The following TNRC6A variants were observed in gnomAD, a reference collection of about 807,000 sequenced individuals.
TNRC6A encodes trinucleotide repeat-containing gene 6A protein.
TNRC6A carries 44 observed loss-of-function variants against 221.2 expected under a neutral mutation model. The observed-to-expected ratio is 0.20, with a 90% CI of 0.16 to 0.26. The LOEUF is 0.26. Ranked by LOEUF, TNRC6A falls within the 10% of genes least tolerant of loss-of-function variation. TNRC6A has a pLI of 1.00. For synonymous variants in TNRC6A, 847 were observed against 838.5 expected, an observed-to-expected ratio of 1.01 and a Z score of -0.18; for missense variants, 2,199 against 2,404.4, an observed-to-expected ratio of 0.91 and a Z score of 1.79.
chr16:24,644,049 C>A (rs926025697), intron 2 of TNRC6A, among the ~76,000 whole-genome samples: 24 of 146,962 alleles, frequency 1.6e-4, no homozygotes, highest in Admixed American at 7.5e-4. Flanking sequence ...TAGATCATCG[C>A]TGGGTTTTGT....
At chr16:24,625,732 CA>C (rs1296078884) in intron 1 of TNRC6A, among the ~76,000 whole-genome samples, 2 of 78,528 alleles carry the variant, frequency 2.5e-5, no homozygotes, top group African/African-American at 9.9e-5. Flanking sequence ...GACTCCGTCT[CA>C]AAACAAAAAA....
chr16:24,802,353 G>T (rs1002139202), intron 11 of TNRC6A, among the ~76,000 whole-genome samples: 3 of 152,038 alleles, frequency 2.0e-5, no homozygotes, highest in Admixed American at 6.5e-5. Flanking sequence ...GTTGGAGACC[G>T]CTTGGGCAAC....
At position 24,729,686 on chromosome 16, in the gene TNRC6A, G is replaced by C; in HGVS notation, c.-156G>C. ...TGGGGCCTGCGGCGGCGGCGGTGTC[G>C]GCGGCGGCGGCGGCGGCGGCGGCGG... On this transcript the variant is annotated 5_prime_UTR_variant, in exon 1 of 25. Coordinates refer to ENST00000395799, the MANE Select transcript of TNRC6A (RefSeq NM_014494.4). 1 of 236,742 alleles carries C rather than the reference G, an allele frequency of 4.2e-6. No homozygotes were observed. Among genetic ancestry groups the C allele is most frequent in the African/African-American group, 5.2e-5 (1 of 19,082 alleles). The allele number at this position is 236,742 out of a possible 1,614,324, so 14.7% of individuals were successfully genotyped here.
chr16:24,700,422 G>A (rs1435737928), intron 2 of TNRC6A, among the ~76,000 whole-genome samples: 3 of 151,976 alleles, frequency 2.0e-5, no homozygotes, highest in Non-Finnish European at 2.9e-5. Context: ...TTTTAGTAGA[G>A]ACAGGTTTCA....
chr16:24,700,441 G>T lies in TNRC6A; in HGVS notation n.403-50285G>T, dbSNP rs551249750. On this transcript the variant is annotated intron_variant and non_coding_transcript_variant, in intron 2 of 2. Transcript: ENST00000566108. ...AGTAGAGACAGGTTTCACCATGTTG[G>T]CCAGGCTGGTCTTACGAACTCCTAA... 1.6e-3 allele frequency among the ~76,000 whole-genome samples: 237 copies of T among 152,134 alleles called. 1 individual carries two copies. The highest frequency in any genetic ancestry group is 6.8e-3 in the Middle Eastern group (2 of 294).
At chr16:24,812,876 G>A (rs1272263806) in intron 18 of TNRC6A, among the ~76,000 whole-genome samples, 1 of 110,706 alleles carries the variant, frequency 9.0e-6, no homozygotes, top group Non-Finnish European at 2.0e-5. Flanking sequence ...TACCTCTTGG[G>A]CTTTTTTTTT....
chr16:24,781,632 C>T (rs1368919396), intron 5 of TNRC6A, among the ~76,000 whole-genome samples: 2 of 152,102 alleles, frequency 1.3e-5, no homozygotes, highest in African/African-American at 4.8e-5. Flanking sequence ...TTGGGCCCCT[C>T]AAAACTCAGT....
chr16:24,725,256 C>T (rs2056472508), upstream of TNRC6A, among the ~76,000 whole-genome samples: 1 of 151,914 alleles, frequency 6.6e-6, no homozygotes, highest in African/African-American at 2.4e-5. Context: ...TGCAACCTAC[C>T]CCCTGCCCCA....
rs180989776 is a variant in TNRC6A at position 24,649,973 on chromosome 16, G to T, written n.402+8964G>T. Among the ~76,000 whole-genome samples the T allele has an allele frequency of 1.5e-3, 233 of 151,338 alleles. 3 individuals carry two copies. The highest frequency in any genetic ancestry group is 1.4e-3 in the East Asian group (7 of 5,134). The stretch of plus-strand genomic sequence containing the variant: ...TGAGTAGCTGGTATTACAGGCATGC[G>T]CAACCAAGCCCAGCTAATTTTTGTA... On this transcript the variant is annotated intron_variant and non_coding_transcript_variant, in intron 2 of 2. Coordinates refer to the TNRC6A transcript ENST00000566108.
intron 1 of TNRC6A, among the ~76,000 whole-genome samples, chr16:24,635,124 C>G (rs960998160): frequency 1.6e-5 from 1 of 60,620 alleles, no homozygotes. Flanking sequence ...TCTTTTCTTT[C>G]TTTTTCTTTC....
intron 2 of TNRC6A, among the ~76,000 whole-genome samples, chr16:24,717,369 A>G (rs1182792202): frequency 1.3e-5 from 2 of 152,230 alleles, no homozygotes; most frequent in Non-Finnish European, 2.9e-5. Flanking sequence ...TCTCCAATGT[A>G]GCAAAATTCA....
At chr16:24,684,609 C>G (rs1046485243) in intron 2 of TNRC6A, among the ~76,000 whole-genome samples, 1 of 151,936 alleles carries the variant, frequency 6.6e-6, no homozygotes, top group African/African-American at 2.4e-5. Flanking sequence ...AGTGCAAGAC[C>G]AACCTGGGCA....
intron 11 of TNRC6A, among the ~76,000 whole-genome samples, chr16:24,800,528 A>C (rs1234613798): frequency 6.6e-6 from 1 of 152,328 alleles, no homozygotes; most frequent in East Asian, 1.9e-4. Flanking sequence ...GCATCCTGTG[A>C]GGCTGTGGAT....
Position 24,816,960 on chromosome 16 carries a change from C to T in TNRC6A, c.4972+4C>T, listed in dbSNP as rs765632655. ...CACCTCAGGGACAGGAACAGTGGTA[C>T]GTAGGGGGTGCAAATCAATTTCTGA... On this transcript the variant is annotated splice_donor_region_variant and intron_variant, in intron 20 of 24. Coordinates refer to ENST00000395799, the MANE Select transcript of TNRC6A (RefSeq NM_014494.4). 6.8e-6 allele frequency: 11 copies of T among 1,609,432 alleles called. No individual in the cohort carries two copies. In the East Asian group the frequency reaches 1.6e-4, roughly 23 times the overall value.
intron 2 of TNRC6A, among the ~76,000 whole-genome samples, chr16:24,653,328 C>T (rs1373794565): frequency 3.3e-5 from 5 of 152,084 alleles, no homozygotes; most frequent in Admixed American, 2.6e-4. Flanking sequence ...CAAAGCCCTT[C>T]GGAATCGATT....
Position 24,823,753 on chromosome 16 carries a change from C to T in TNRC6A, c.5835C>T (p.Pro1945=). ...SDPRGISSPS[P]INAFLSVDHL... ...CCCGAGGAATTAGCAGCCCATCTCCCATTAACGCTTTTCTTTCTGTTGACC... is the reference window on the plus strand; with the variant it reads ...CCCGAGGAATTAGCAGCCCATCTCCTATTAACGCTTTTCTTTCTGTTGACC... Residue 1945 remains proline (P), a synonymous_variant, in exon 25 of 25, where the codon CCC becomes CCT. Coordinates refer to ENST00000395799, the MANE Select transcript of TNRC6A (RefSeq NM_014494.4). This position sits in a 1 kb window ranked among gnomAD's most constrained non-coding sequence, Gnocchi z 4.3. 1.3e-6 allele frequency: 2 copies of T among 1,498,432 alleles called. No homozygotes were observed. The highest frequency in any genetic ancestry group is 2.8e-5 in the South Asian group (2 of 71,716). 92.8% of individuals were successfully genotyped at this position (1,498,432 alleles called of 1,614,324 possible). A position where few individuals can be genotyped will look rare whatever the true frequency, so the allele number is the denominator to read the frequency against.
intron 2 of TNRC6A, among the ~76,000 whole-genome samples, chr16:24,737,024 C>T (rs935559603): frequency 6.6e-6 from 1 of 152,164 alleles, no homozygotes; most frequent in African/African-American, 2.4e-5. Context: ...AATACGCTTT[C>T]TTAAAAGAAT....
At chr16:24,680,822 C>T (rs946774965) in intron 2 of TNRC6A, among the ~76,000 whole-genome samples, 13 of 151,872 alleles carry the variant, frequency 8.6e-5, no homozygotes, top group South Asian at 2.1e-4. Flanking sequence ...TGCAATGGCA[C>T]GATTTCAGCT....
chr16:24,705,410 C>A (rs1567373056), intron 2 of TNRC6A, among the ~76,000 whole-genome samples: 1 of 152,040 alleles, frequency 6.6e-6, no homozygotes, highest in Non-Finnish European at 1.5e-5. Context: ...CAGCTCACTG[C>A]AGCCTCCAAC....
Sources: gnomAD v4.1 joint callset for allele counts (sites outside exome capture counted in the v4.1 genomes callset) on GRCh38, gnomAD v4.1.1 for gene constraint, Gnocchi (gnomAD v3.1) non-coding constraint, MANE v1.5 for transcripts, NCBI Gene and HGNC (gene_info 2026-07-23, HGNC 2026-07-21) for gene names.